The following ZNF736 variants were observed in gnomAD, a reference collection of about 807,000 sequenced individuals.
The protein encoded by ZNF736 is zinc finger protein 736, also known as KRAB-containing zinc-finger repressor protein.
A neutral mutation model predicts 11.7 loss-of-function variants in ZNF736; 6 were observed. The observed-to-expected ratio is 0.51, with a 90% CI of 0.28 to 1.01. The LOEUF (loss-of-function observed/expected upper bound fraction) is 1.01, where lower values mean the gene tolerates loss of function less well. Ranked by LOEUF, ZNF736 falls within the 50% of genes least tolerant of loss-of-function variation. The pLI is 0.09. For synonymous variants in ZNF736, 139 were observed against 164.7 expected (o/e 0.84, Z 1.19); for missense variants, 444 against 496.0 (o/e 0.90, Z 1.00).
In ZNF736 at chr7:64,336,937, G is replaced by A; in HGVS notation, c.181G>A (p.Glu61Lys). ...GATGACCTGTCTGGAGCAAAGAAAA[G>A]AGCCTTGGAAAGTGAAGAGACAGGA... is the stretch of plus-strand genomic sequence containing the variant. ...DLMTCLEQRK[E>K]PWKVKRQEAV... Residue 61 changes from glutamate (E) to lysine (K), a missense_variant, in exon 3 of 4, where the codon GAG becomes AAG. Physicochemically the swap from Glu to Lys is moderately conservative, Grantham distance 56. Transcript: ENST00000423484. 4 of 1,605,178 alleles carry A rather than the reference G, an allele frequency of 2.5e-6. No individual in the cohort carries two copies. The highest frequency in any genetic ancestry group is 3.4e-6 in the Non-Finnish European group (4 of 1,175,614).
chr7:64,321,617 A>G (rs993550128), intron 1 of ZNF736, among the ~76,000 whole-genome samples: 5 of 152,212 alleles, frequency 3.3e-5, no homozygotes, highest in Admixed American at 6.5e-5. Flanking sequence ...AGCTCAAGCA[A>G]AGTCTTGACC....
At chr7:64,315,939 A>G (rs968474695) in intron 1 of ZNF736, among the ~76,000 whole-genome samples, 2 of 152,162 alleles carry the variant, frequency 1.3e-5, no homozygotes, top group African/African-American at 4.8e-5. Context: ...CTGTTTGTGC[A>G]TATTTCACAG....
intron 3 of ZNF736, 119 bp downstream of exon 3, chr7:64,337,101 C>T: frequency 1.2e-6 from 1 of 866,306 alleles, no homozygotes; most frequent in South Asian, 1.6e-5. Flanking sequence ...TTCTGAGAAA[C>T]CTTCATTTCT....
chr7:64,331,518 G>A (rs540174190), intron 1 of ZNF736, among the ~76,000 whole-genome samples: 3 of 152,220 alleles, frequency 2.0e-5, no homozygotes, highest in South Asian at 4.2e-4. Flanking sequence ...TAGGTCCTGT[G>A]ATCACTCCCC....
At position 64,349,119 on chromosome 7, in the gene ZNF736, A is replaced by G; in HGVS notation, c.1256A>G (p.His419Arg). ...FSHLIRHKRI[H>R]TREKLHKC ...CACCTCATCAGACATAAGAGAATTC[A>G]TACTAGAGAGAAGCTCCACAAGTGT... Residue 419 changes from histidine to arginine, a missense_variant, in exon 4 of 4, where the codon CAT becomes CGT. Coordinates refer to ENST00000423484, the MANE Select transcript of ZNF736 (RefSeq NM_001170905.3). 2.6e-6 allele frequency: 4 copies of G among 1,564,272 alleles called. No individual in the cohort carries two copies. Among genetic ancestry groups the G allele is most frequent in the Non-Finnish European group, 3.5e-6 (4 of 1,155,568 alleles).
At chr7:64,315,938 C>T (rs910191188) in intron 1 of ZNF736, among the ~76,000 whole-genome samples, 4 of 152,238 alleles carry the variant, frequency 2.6e-5, no homozygotes, top group Non-Finnish European at 4.4e-5. Context: ...TCTGTTTGTG[C>T]ATATTTCACA....
rs1789437401 is a variant in ZNF736, at chr7:64,348,253, T to C, written c.390T>C (p.Tyr130=). 1 of 1,551,980 alleles carries C rather than the reference T, an allele frequency of 6.4e-7. No individual in the cohort carries two copies. The highest frequency in any genetic ancestry group is 8.7e-7 in the Non-Finnish European group (1 of 1,146,912). Residue 130 remains tyrosine, a synonymous_variant, in exon 4 of 4, where the codon TAT becomes TAC. Transcript: ENST00000423484. ...ATTGCAAGGGGCAGAAAAGCAGTTATAATGGCCTTCATCAATGTTTGTCAG... is the reference window on the plus strand; with the variant it reads ...ATTGCAAGGGGCAGAAAAGCAGTTACAATGGCCTTCATCAATGTTTGTCAG... The part of the protein sequence containing the change: ...VGNCKGQKSS[Y]NGLHQCLSAT...
chr7:64,332,874 G>A (rs533604603), intron 1 of ZNF736, among the ~76,000 whole-genome samples: 61 of 152,182 alleles, frequency 4.0e-4, no homozygotes, highest in African/African-American at 7.9e-4. Context: ...GCCCGACCCC[G>A]CAGGTACTCA....
rs1423539745 is a variant in ZNF736, at chr7:64,348,048, C to T, written c.227-42C>T. Reference sequence around the variant, plus strand: ...TAATTATATATTTGTGAAGTATATTCACCTGAGTCTAATGAGGGAGAATTT... The same window carrying T: ...TAATTATATATTTGTGAAGTATATTTACCTGAGTCTAATGAGGGAGAATTT... On this transcript the variant is annotated intron_variant, in intron 3 of 3. Coordinates refer to ENST00000423484, the MANE Select transcript of ZNF736 (RefSeq NM_001170905.3). 2.9e-6 allele frequency: 4 copies of T among 1,387,858 alleles called. No individual in the cohort carries two copies. The Admixed American group carries it at 1.1e-4, about 39-fold the overall frequency. The allele number at this position is 1,387,858 out of a possible 1,614,324, so 86.0% of individuals were successfully genotyped here.
At chr7:64,324,055 A>G (rs1789044220) in intron 1 of ZNF736, among the ~76,000 whole-genome samples, 1 of 152,180 alleles carries the variant, frequency 6.6e-6, no homozygotes, top group Non-Finnish European at 1.5e-5. Flanking sequence ...GATTCATGGC[A>G]TAATTGTCAA....
At chr7:64,334,580 C>T (rs1231469208) in intron 1 of ZNF736, among the ~76,000 whole-genome samples, 2 of 152,098 alleles carry the variant, frequency 1.3e-5, no homozygotes, top group Non-Finnish European at 2.9e-5. Flanking sequence ...AAATCAAAAC[C>T]ACAATGAGAT....
In ZNF736 at chr7:64,353,609, T is replaced by C. The variant is rs1464621782; in HGVS notation, c.*4462T>C. ...ACCAGAGTTGTGAGAGGTTCTTCTA[T>C]ATTAGATGGACAGATTTATATACTT... On this transcript the variant is annotated 3_prime_UTR_variant, in exon 4 of 4. Transcript: ENST00000423484. 1 of 152,216 alleles carries C rather than the reference T, an allele frequency of 6.6e-6. No individual in the cohort carries two copies. 9.4% of individuals were successfully genotyped at this position (152,216 alleles called of 1,614,324 possible). A position where few individuals can be genotyped will look rare whatever the true frequency, so the allele number is the denominator to read the frequency against.
At chr7:64,324,956 T>C (rs1221718317) in intron 1 of ZNF736, among the ~76,000 whole-genome samples, 1 of 152,242 alleles carries the variant, frequency 6.6e-6, no homozygotes, top group Non-Finnish European at 1.5e-5. Flanking sequence ...CTGTAACCTT[T>C]GTTTTTCTGT....
chr7:64,331,004 A>T (rs1310381269), intron 1 of ZNF736, among the ~76,000 whole-genome samples: 1 of 152,168 alleles, frequency 6.6e-6, no homozygotes, highest in Non-Finnish European at 1.5e-5. Flanking sequence ...TGTGAACTGC[A>T]CTGCCTGTGC....
At position 64,352,635 on chromosome 7, in the gene ZNF736, T is replaced by C. The variant is rs1584279735; in HGVS notation, c.*3488T>C. ...TGGTGGTGGTAGCTGGAGACCCTCA[T>C]TGGGAAGTACTTTCCAGTGAGAAGG... On this transcript the variant is annotated 3_prime_UTR_variant, in exon 4 of 4. Coordinates refer to ENST00000423484, the MANE Select transcript of ZNF736 (RefSeq NM_001170905.3). 2 of 152,322 alleles carry C rather than the reference T, an allele frequency of 1.3e-5. No homozygotes were observed. The highest frequency in any genetic ancestry group is 2.9e-5 in the Non-Finnish European group (2 of 68,158). 9.4% of individuals were successfully genotyped at this position (152,322 alleles called of 1,614,324 possible).
intron 3 of ZNF736, among the ~76,000 whole-genome samples, chr7:64,342,251 C>T (rs559288358): frequency 3.3e-5 from 5 of 152,074 alleles, no homozygotes; most frequent in East Asian, 1.9e-4. Flanking sequence ...GAGAGAGGCC[C>T]GGAACAGATG....
At position 64,345,318 on chromosome 7, in the gene ZNF736, G is replaced by A. The variant is rs191390409; in HGVS notation, c.227-2772G>A. ...ATTACAGGCGTGAACCACTGTGCCC[G>A]GCCAGGAAAAGTAAAATTGAAAATT... On this transcript the variant is annotated intron_variant, in intron 3 of 3. Transcript: ENST00000423484. 3.4e-3 allele frequency among the ~76,000 whole-genome samples: 521 copies of A among 151,370 alleles called. 3 individuals carry two copies. The highest frequency in any genetic ancestry group is 0.012 in the African/African-American group (489 of 41,300).
intron 3 of ZNF736, among the ~76,000 whole-genome samples, chr7:64,345,417 T>C (rs1417872345): frequency 6.6e-6 from 1 of 151,862 alleles, no homozygotes; most frequent in Non-Finnish European, 1.5e-5. Flanking sequence ...CTTCCAACCC[T>C]TGAAAAAGAG....
chr7:64,337,316 C>T (rs944626662), intron 3 of ZNF736: 4 of 277,192 alleles, frequency 1.4e-5, no homozygotes, highest in African/African-American at 6.8e-5. Context: ...TTTGGGGAAA[C>T]AGCAATATCT....
Sources: allele counts gnomAD v4.1 joint callset (sites outside exome capture counted in the v4.1 genomes callset), GRCh38; gene constraint gnomAD v4.1.1; transcripts MANE v1.5; gene names NCBI Gene and HGNC (gene_info 2026-07-23, HGNC 2026-07-21).